Variants in FGF3 observed in about 807,000 individuals in gnomAD.
FGF3 encodes the protein fibroblast growth factor 3.
Under a neutral mutation model 9.8 loss-of-function variants are expected in FGF3, and 7 were observed. That is an observed-to-expected ratio of 0.72 (90% confidence interval 0.41 to 1.35). The LOEUF (loss-of-function observed/expected upper bound fraction) is 1.35, where lower values mean the gene tolerates loss of function less well. Ranked by LOEUF, FGF3 falls within the 40% of genes most tolerant of loss-of-function variation. FGF3 has a pLI of 0.01. For missense variants in FGF3, 390 were observed against 345.6 expected, an observed-to-expected ratio of 1.13 and a Z score of -1.02; for synonymous variants, 173 against 157.2, an observed-to-expected ratio of 1.10 and a Z score of -0.75.
At chr11:69,810,822 G>A (rs552554927) in intron 2 of FGF3, 122 bp from the exon 3 acceptor site, 4 of 803,368 alleles carry the variant, frequency 5.0e-6, no homozygotes, top group Admixed American at 3.0e-5. Flanking sequence ...AAACCCCAGC[G>A]CACTCTCAGC....
At chr11:69,816,102 C>T (rs529957832) in intron 2 of FGF3, among the ~76,000 whole-genome samples, 83 of 152,290 alleles carry the variant, frequency 5.5e-4, no homozygotes, top group Non-Finnish European at 1.0e-3. Flanking sequence ...GATCCCAGGT[C>T]CCCCAGGGCC....
rs116171660 is a variant in FGF3 at position 69,816,672 on chromosome 11, C to T, written c.221-249G>A. 0.011 allele frequency among the ~76,000 whole-genome samples: 1,635 copies of T among 152,362 alleles called. 21 individuals are homozygous for T. Among genetic ancestry groups the T allele is most frequent in the African/African-American group, 0.038 (1,568 of 41,582 alleles). On this transcript the variant is annotated intron_variant, in intron 1 of 2. Transcript: ENST00000334134. The stretch of plus-strand genomic sequence containing the variant: ...GTAACAATGAAATTAACATTCCCAC[C>T]TGCTGACGCTGCCTGCACCCTGGCT...
chr11:69,814,145 A>C (rs547288994), intron 2 of FGF3, among the ~76,000 whole-genome samples: 12 of 150,186 alleles, frequency 8.0e-5, no homozygotes, highest in Non-Finnish European at 1.8e-4. Flanking sequence ...AGAAGGAAGG[A>C]AGATGGATGG....
chr11:69,818,689 G>C lies in FGF3; in HGVS notation c.220+25C>G, dbSNP rs1280975105. 3 of 1,450,122 alleles carry C rather than the reference G, an allele frequency of 2.1e-6. No homozygotes were observed. The African/African-American group carries it at 4.4e-5, about 21-fold the overall frequency. The allele number at this position is 1,450,122 out of a possible 1,614,324, so 89.8% of individuals were successfully genotyped here. A position where few individuals can be genotyped will look rare whatever the true frequency, so the allele number is the denominator to read the frequency against. On this transcript the variant is annotated intron_variant, in intron 1 of 2. Coordinates refer to ENST00000334134, the MANE Select transcript of FGF3 (RefSeq NM_005247.4). ...ACCCCTCCCGGCGCCGCTTCCCCCGGGGCCCCGCAGCGTCCGGCACTCACT... is the reference window on the plus strand; with the variant it reads ...ACCCCTCCCGGCGCCGCTTCCCCCGCGGCCCCGCAGCGTCCGGCACTCACT...
chr11:69,811,463 A>G (rs570788045), intron 2 of FGF3, among the ~76,000 whole-genome samples: 1,842 of 149,626 alleles, frequency 0.012, 46 homozygotes, highest in African/African-American at 0.042. Context: ...AAAAAAAAAA[A>G]AAAAGAAAAG....
chr11:69,815,567 G>A (rs138276610), intron 2 of FGF3, among the ~76,000 whole-genome samples: 6 of 152,298 alleles, frequency 3.9e-5, no homozygotes, highest in East Asian at 3.9e-4. Flanking sequence ...CTTGGGCCGC[G>A]TCAGCCAGGC....
intron 2 of FGF3, among the ~76,000 whole-genome samples, chr11:69,813,642 G>A (rs569441169): frequency 1.6e-3 from 200 of 126,072 alleles, no homozygotes; most frequent in African/African-American, 5.6e-3. Context: ...ATGGATGGGT[G>A]GATGGGTGGA....
At chr11:69,813,016 C>T (rs777294022) in intron 2 of FGF3, among the ~76,000 whole-genome samples, 13 of 152,176 alleles carry the variant, frequency 8.5e-5, no homozygotes, top group Non-Finnish European at 1.5e-4. Flanking sequence ...TCCAGAGCTA[C>T]TGCAGTTGGG....
intron 2 of FGF3, among the ~76,000 whole-genome samples, chr11:69,811,213 C>T (rs939752561): frequency 6.6e-6 from 1 of 151,970 alleles, no homozygotes; most frequent in South Asian, 2.1e-4. Context: ...TTTGGGAGGC[C>T]GAGGCAGGTG....
Position 69,818,918 on chromosome 11 carries a change from G to T in FGF3, c.16C>A (p.Leu6Met), listed in dbSNP as rs1554981458. ...GGCTCCAGCAGGCTGAGCAGTAGCA[G>T]CCAGATTAGGCCCATCGTGGCATCG... is the stretch of plus-strand genomic sequence containing the variant. MGLIW[L>M]LLLSLLEPGW... Residue 6 changes from leucine to methionine, a missense_variant, in exon 1 of 3, where the codon CTG becomes ATG. Transcript: ENST00000334134. 1 of 1,467,922 alleles carries T rather than the reference G, an allele frequency of 6.8e-7. No homozygotes were observed. The highest frequency in any genetic ancestry group is 1.3e-5 in the South Asian group (1 of 77,272). The allele number at this position is 1,467,922 out of a possible 1,614,324, so 90.9% of individuals were successfully genotyped here. A position where few individuals can be genotyped will look rare whatever the true frequency, so the allele number is the denominator to read the frequency against.
In FGF3 at chr11:69,810,718, C is replaced by G. The variant is rs1554980390; in HGVS notation, c.325-18G>C. 1 of 1,563,256 alleles carries G rather than the reference C, an allele frequency of 6.4e-7. No individual in the cohort carries two copies. Among genetic ancestry groups the G allele is most frequent in the East Asian group, 2.3e-5 (1 of 43,976 alleles). The stretch of plus-strand genomic sequence containing the variant: ...TAGTGCTCCTGCGGGGATGAGATAT[C>G]ATGGTCAGTGCCCCGGGGAGACTGT... On this transcript the variant is annotated intron_variant, in intron 2 of 2. Transcript: ENST00000334134.
In FGF3 at chr11:69,810,380, C is replaced by T. The variant is rs782430608; in HGVS notation, c.645G>A (p.Gln215=). The T allele has an allele frequency of 3.2e-4, 495 of 1,561,110 alleles. 1 individual carries two copies. Among genetic ancestry groups the T allele is most frequent in the Non-Finnish European group, 8.7e-6 (10 of 1,149,884 alleles). ...GVQPRRRRQK[Q]SPDNLEPSHV... ...GAGAGGGCTCCAGGTTATCCGGGCT[C>T]TGCTTCTGCCGCCGCCGTCGGGGCT... The change falls in exon 3 of 3, where the codon CAG becomes CAA. Residue 215 remains glutamine (Q), a synonymous_variant. Transcript: ENST00000334134.
intron 2 of FGF3, among the ~76,000 whole-genome samples, chr11:69,813,330 C>T (rs540225155): frequency 2.0e-5 from 3 of 152,312 alleles, no homozygotes; most frequent in South Asian, 4.1e-4. Context: ...CTCTGGATGA[C>T]AGCCCCCCTG....
At chr11:69,816,472 C>T (rs369094504) in intron 1 of FGF3, 49 bp from the exon 2 acceptor site, 46 of 1,460,884 alleles carry the variant, frequency 3.1e-5, no homozygotes, top group South Asian at 1.7e-4. Flanking sequence ...ACGGAGGGGG[C>T]GGCTGAGGCC....
At chr11:69,816,775 G>GTGAC (rs1307062121) in intron 1 of FGF3, among the ~76,000 whole-genome samples, 2 of 152,306 alleles carry the variant, frequency 1.3e-5, no homozygotes, top group East Asian at 3.9e-4. Flanking sequence ...CTATGGCTGG[G>GTGAC]TGACTGTCAG....
intron 2 of FGF3, among the ~76,000 whole-genome samples, chr11:69,813,868 ATAGG>A (rs1170655816): frequency 4.3e-5 from 5 of 115,138 alleles, no homozygotes; most frequent in African/African-American, 5.9e-5. Context: ...GGATGGATGG[ATAGG>A]TGGATGGATG....
chr11:69,810,168 G>A lies in FGF3; in HGVS notation c.*137C>T, dbSNP rs1554980263. ...CCCTCTTCAGTTCCCACTGGACCCTGATTTGAGCTGGCTCTGGAAATAGCT... is the reference window on the plus strand; with the variant it reads ...CCCTCTTCAGTTCCCACTGGACCCTAATTTGAGCTGGCTCTGGAAATAGCT... On this transcript the variant is annotated 3_prime_UTR_variant, in exon 3 of 3. Transcript: ENST00000334134. 1 of 892,768 alleles carries A rather than the reference G, an allele frequency of 1.1e-6. No individual in the cohort carries two copies. The highest frequency in any genetic ancestry group is 1.6e-6 in the Non-Finnish European group (1 of 607,378). The allele number at this position is 892,768 out of a possible 1,614,324, so 55.3% of individuals were successfully genotyped here.
chr11:69,812,843 T>C (rs1856050776), intron 2 of FGF3, among the ~76,000 whole-genome samples: 1 of 152,032 alleles, frequency 6.6e-6, no homozygotes, highest in Admixed American at 6.5e-5. Flanking sequence ...GGTGGGTCAC[T>C]GAAGGACAGG....
intron 2 of FGF3, among the ~76,000 whole-genome samples, chr11:69,815,280 G>A (rs982217059): frequency 6.6e-6 from 1 of 151,090 alleles, no homozygotes; most frequent in Non-Finnish European, 1.5e-5. Context: ...ATGGATGGAT[G>A]GGTGGATGGG....
Sources: allele counts gnomAD v4.1 joint callset (sites outside exome capture counted in the v4.1 genomes callset), GRCh38; gene constraint gnomAD v4.1.1; transcripts MANE v1.5; gene names NCBI Gene and HGNC (gene_info 2026-07-23, HGNC 2026-07-21).